PLCB4: variants seen among roughly 807,000 people sequenced by gnomAD.
PLCB4 encodes 1-phosphatidylinositol 4,5-bisphosphate phosphodiesterase beta-4.
Under a neutral mutation model 178.8 loss-of-function variants are expected in PLCB4, and 77 were observed. That is an observed-to-expected ratio of 0.43 (90% CI 0.36 to 0.52). The LOEUF is 0.52. Ranked by LOEUF, PLCB4 falls within the 20% of genes least tolerant of loss-of-function variation. PLCB4 has a pLI of 0.00. For synonymous variants in PLCB4, 496 were observed against 490.8 expected, an observed-to-expected ratio of 1.01 and a Z score of -0.14; for missense variants, 1,024 against 1,453.4, an observed-to-expected ratio of 0.70 and a Z score of 4.80.
At chr20:9,387,724 C>T (rs765161773) in intron 15 of PLCB4, among the ~76,000 whole-genome samples, 168 bp downstream of exon 15, 2 of 152,216 alleles carry the variant, frequency 1.3e-5, no homozygotes, top group Admixed American at 6.5e-5. Flanking sequence ...TTCCACTGAA[C>T]GTCCCCTTCA....
chr20:9,086,004 T>C (rs911147554), intron 1 of PLCB4, among the ~76,000 whole-genome samples: 4 of 152,124 alleles, frequency 2.6e-5, no homozygotes, highest in Admixed American at 1.3e-4. Context: ...TTAAGCAAAA[T>C]GATATGTTTA....
At chr20:9,122,935 T>C (rs2092006018) in intron 2 of PLCB4, among the ~76,000 whole-genome samples, 2 of 152,300 alleles carry the variant, frequency 1.3e-5, no homozygotes, top group East Asian at 3.9e-4. Context: ...CCTGTCTGGA[T>C]ACAGTATCTG....
intron 4 of PLCB4, among the ~76,000 whole-genome samples, chr20:9,320,001 C>T (rs2094941904): frequency 6.6e-6 from 1 of 152,112 alleles, no homozygotes; most frequent in Non-Finnish European, 1.5e-5. Flanking sequence ...GATCTAGACC[C>T]TAAGAGAGAG....
intron 39 of PLCB4, among the ~76,000 whole-genome samples, chr20:9,478,638 C>T (rs946109273): frequency 6.6e-6 from 1 of 152,172 alleles, no homozygotes; most frequent in Non-Finnish European, 1.5e-5. Flanking sequence ...GTTCTCCTGG[C>T]ACTGTGTAAA....
intron 17 of PLCB4, among the ~76,000 whole-genome samples, chr20:9,392,923 G>A (rs1300696079): frequency 6.6e-6 from 1 of 151,912 alleles, no homozygotes; most frequent in Admixed American, 6.6e-5. Context: ...GGCATATAGA[G>A]AGATGGGTGG....
intron 2 of PLCB4, among the ~76,000 whole-genome samples, chr20:9,161,631 G>A (rs116120565): frequency 9.9e-5 from 15 of 152,192 alleles, no homozygotes; most frequent in Non-Finnish European, 2.2e-4. Context: ...TTATTGACTC[G>A]AAGAGACAAA....
rs1349840512 is a variant in PLCB4 at position 9,476,041 on chromosome 20, T to C, written c.3496-676T>C. Among the ~76,000 whole-genome samples, 4 of 152,358 alleles carry C rather than the reference T, an allele frequency of 2.6e-5. No individual in the cohort carries two copies. In the East Asian group the frequency reaches 7.7e-4, roughly 29 times the overall value. On this transcript the variant is annotated intron_variant, in intron 38 of 39. Coordinates refer to ENST00000378473, the MANE Select transcript of PLCB4 (RefSeq NM_001377142.1). ...CCTCAAAGGTTTCTTTCTGTTCTCC[T>C]GTGACCCTACTCCTAATCGGTGTCC...
intron 20 of PLCB4, among the ~76,000 whole-genome samples, chr20:9,403,202 C>T (rs948113001): frequency 4.0e-5 from 6 of 151,886 alleles, no homozygotes; most frequent in Non-Finnish European, 8.8e-5. Flanking sequence ...CATTATCACG[C>T]GTATATAGAA....
rs531218462 is a variant in PLCB4, at chr20:9,163,621, T to A, written c.-78-53769T>A. On this transcript the variant is annotated intron_variant, in intron 2 of 39. Transcript: ENST00000378473. ...AATAAATTTTTGTAAATGGGAATAA[T>A]AAAATATTATGCTTATAGATTTATT... is the stretch of plus-strand genomic sequence containing the variant. 6.6e-5 allele frequency among the ~76,000 whole-genome samples: 10 copies of A among 152,238 alleles called. No homozygotes were observed. In the South Asian group the frequency reaches 1.9e-3, roughly 28 times the overall value.
intron 12 of PLCB4, among the ~76,000 whole-genome samples, chr20:9,377,839 G>A (rs1178358621): frequency 6.6e-6 from 1 of 152,124 alleles, no homozygotes; most frequent in Non-Finnish European, 1.5e-5. Context: ...TTTTACTGAT[G>A]TGCAAATATG....
chr20:9,391,423 C>G (rs1312255140), intron 17 of PLCB4, among the ~76,000 whole-genome samples: 1 of 152,106 alleles, frequency 6.6e-6, no homozygotes, highest in Non-Finnish European at 1.5e-5. Context: ...TTGACAGCAG[C>G]ACCTGATGGG....
intron 3 of PLCB4, among the ~76,000 whole-genome samples, chr20:9,288,816 A>G (rs2147749035): frequency 6.6e-6 from 1 of 152,230 alleles, no homozygotes; most frequent in Non-Finnish European, 1.5e-5. Flanking sequence ...CTACTCAAAA[A>G]GGCATATTTT....
At chr20:9,477,114 A>G (rs530600765) in intron 39 of PLCB4, among the ~76,000 whole-genome samples, 33 of 152,220 alleles carry the variant, frequency 2.2e-4, no homozygotes, top group African/African-American at 7.5e-4. Context: ...TATGACTCCA[A>G]TTAATTTTTA....
At chr20:9,314,806 C>T (rs547922286) in intron 4 of PLCB4, among the ~76,000 whole-genome samples, 1 of 152,096 alleles carries the variant, frequency 6.6e-6, no homozygotes, top group African/African-American at 2.4e-5. Context: ...CCAAGACCCT[C>T]ACAGCCACAG....
chr20:9,234,400 C>T (rs983314295), intron 3 of PLCB4, among the ~76,000 whole-genome samples: 1 of 151,874 alleles, frequency 6.6e-6, no homozygotes, highest in Admixed American at 6.6e-5. Flanking sequence ...CTGTGATCAC[C>T]TAGGAAGAGA....
In PLCB4 at chr20:9,453,460, G is replaced by C; in HGVS notation, c.2994G>C (p.Lys998Asn). ...EKILEKAMKK[K>N]GGSNCLEMKK... is the part of the protein sequence containing the mutation. Reference sequence around the variant, plus strand: ...TCCTAGAGAAGGCAATGAAGAAGAAGGGGTAATACTGTTTATTTCCTTCTG... The same window carrying C: ...TCCTAGAGAAGGCAATGAAGAAGAACGGGTAATACTGTTTATTTCCTTCTG... The change falls in exon 33 of 40, where the codon AAG becomes AAC. Residue 998 changes from lysine (K) to asparagine (N), a missense_variant and splice_region_variant. Lys to Asn is a moderately conservative substitution (Grantham distance 94, BLOSUM62 0). Around this residue, in one of 7 missense-constraint regions of PLCB4, gnomAD observed 264 missense variants for 283.2 expected, o/e 0.93. Transcript: ENST00000378473. The C allele has an allele frequency of 2.0e-6, 3 of 1,516,766 alleles. No homozygotes were observed. Among genetic ancestry groups the C allele is most frequent in the Non-Finnish European group, 2.7e-6 (3 of 1,094,394 alleles). The allele number at this position is 1,516,766 out of a possible 1,614,324, so 94.0% of individuals were successfully genotyped here.
At chr20:9,322,375 C>T (rs144295380) in intron 4 of PLCB4, among the ~76,000 whole-genome samples, 2 of 152,226 alleles carry the variant, frequency 1.3e-5, no homozygotes, top group African/African-American at 2.4e-5. Flanking sequence ...AGCGAGAAAG[C>T]CTATCTTTTT....
chr20:9,337,067 A>C, intron 4 of PLCB4, 59 bp from the exon 5 acceptor site: 2 of 1,097,552 alleles, frequency 1.8e-6, no homozygotes, highest in Non-Finnish European at 2.8e-6. Context: ...CAATATTTTC[A>C]TTTTTATTAG....
chr20:9,301,188 C>T (rs1206294302), intron 3 of PLCB4, among the ~76,000 whole-genome samples: 1 of 151,844 alleles, frequency 6.6e-6, no homozygotes, highest in Non-Finnish European at 1.5e-5. Context: ...AGATCTTTCG[C>T]TTAATCTCAT....
Sources: allele counts gnomAD v4.1 joint callset (sites outside exome capture counted in the v4.1 genomes callset), GRCh38; gene constraint gnomAD v4.1.1; regional missense constraint gnomAD v4.1.1; transcripts MANE v1.5; gene names NCBI Gene and HGNC (gene_info 2026-07-23, HGNC 2026-07-21).